Variants in DOP1B observed in about 807,000 individuals in gnomAD.
The protein encoded by DOP1B is DOP1 leucine zipper like protein B.
A neutral mutation model predicts 233.5 loss-of-function variants in DOP1B; 174 were observed. That is an observed-to-expected ratio of 0.75 (90% CI 0.66 to 0.85). The LOEUF (loss-of-function observed/expected upper bound fraction) is 0.85, where lower values mean the gene tolerates loss of function less well. Among genes scored for constraint, DOP1B ranks in the 40% least tolerant of loss-of-function variants. DOP1B has a pLI of 0.00. For missense variants in DOP1B, 2,652 were observed against 2,846.6 expected (o/e 0.93, Z 1.56); for synonymous variants, 1,190 against 1,185.6 (o/e 1.00, Z -0.08).
chr21:36,292,311 C>A, intron 36 of DOP1B, 78 bp downstream of exon 36: 1 of 1,240,330 alleles, frequency 8.1e-7, no homozygotes, highest in Non-Finnish European at 1.1e-6. Flanking sequence ...GGTTAGAGTG[C>A]AGTGGTGCGG....
intron 35 of DOP1B, among the ~76,000 whole-genome samples, chr21:36,291,458 G>T (rs571183216): frequency 3.9e-5 from 6 of 152,260 alleles, no homozygotes; most frequent in Admixed American, 3.9e-4. Flanking sequence ...CTACTCGGGA[G>T]GCTGAGGCAG....
chr21:36,187,540 G>A (rs1320036228), intron 2 of DOP1B, among the ~76,000 whole-genome samples: 4 of 152,070 alleles, frequency 2.6e-5, no homozygotes, highest in African/African-American at 7.2e-5. Flanking sequence ...CAGGTGATCC[G>A]CCTTCCTTTG....
intron 20 of DOP1B, among the ~76,000 whole-genome samples, chr21:36,247,844 T>C (rs926567544): frequency 2.6e-5 from 4 of 152,280 alleles, no homozygotes; most frequent in African/African-American, 9.6e-5. Context: ...CAAATGCATA[T>C]GCAAATGCAT....
rs1379162059 is a variant in DOP1B at position 36,251,226 on chromosome 21, C to G, written c.5063C>G (p.Thr1688Arg). ...PLTAHLGVQL[T>R]AAVAAVWSRK... ...ACGGCCCATCTTGGGGTTCAGTTGA[C>G]AGCGGCTGTTGCGGCAGTGTGGAGC... Residue 1688 changes from threonine to arginine, a missense_variant, in exon 22 of 37, where the codon ACA (threonine) becomes AGA (arginine). This residue lies in a region of DOP1B where 2,617 missense variants were observed against 2,794.3 expected (regional missense o/e 0.94). Coordinates refer to ENST00000691173, the MANE Select transcript of DOP1B (RefSeq NM_001320714.2). The G allele has an allele frequency of 6.2e-7, 1 of 1,614,030 alleles. No homozygotes were observed. Among genetic ancestry groups the G allele is most frequent in the Non-Finnish European group, 8.5e-7 (1 of 1,180,010 alleles).
chr21:36,182,623 G>A (rs2066113587), intron 2 of DOP1B, among the ~76,000 whole-genome samples: 1 of 152,162 alleles, frequency 6.6e-6, no homozygotes, highest in Admixed American at 6.5e-5. Context: ...GAGGCCAGGA[G>A]TTTGAGACCA....
intron 2 of DOP1B, among the ~76,000 whole-genome samples, chr21:36,177,749 A>G (rs1177549721): frequency 3.3e-5 from 5 of 152,194 alleles, no homozygotes; most frequent in Non-Finnish European, 7.4e-5. Context: ...GATATCCCAC[A>G]CCACTTCGGG....
chr21:36,176,087 G>GGTGTGTGTGTGTGT (rs1032491278), intron 2 of DOP1B, among the ~76,000 whole-genome samples: 48 of 96,532 alleles, frequency 5.0e-4, no homozygotes, highest in African/African-American at 1.5e-3. Flanking sequence ...TCGACTTTGG[G>GGTGTGTGTGTGTGT]GTGTGTGTGC....
At position 36,232,936 on chromosome 21, in the gene DOP1B, C is replaced by A. The variant is rs775709171; in HGVS notation, c.2483C>A (p.Ala828Glu). The change falls in exon 15 of 37, where the codon GCG becomes GAG. Residue 828 changes from alanine (A) to glutamate (E), a missense_variant. By Grantham distance (107) the Ala-to-Glu change is moderately radical. This residue lies in a region of DOP1B where 2,617 missense variants were observed against 2,794.3 expected (regional missense o/e 0.94). Transcript: ENST00000691173. ...LEVINHSQSL[A>E]LVIEDKMKRY... ...GTGATAAACCATTCCCAGTCCCTGG[C>A]GCTTGTCATTGAAGACAAGATGAAA... The A allele has an allele frequency of 6.2e-7, 1 of 1,614,126 alleles. No homozygotes were observed. Among genetic ancestry groups the A allele is most frequent in the Non-Finnish European group, 8.5e-7 (1 of 1,180,040 alleles).
intron 2 of DOP1B, chr21:36,169,370 T>C (rs138722637): frequency 5.0e-4 from 406 of 817,568 alleles, no homozygotes; most frequent in Non-Finnish European, 7.0e-4. Context: ...GTCGCCTTTC[T>C]GCCCAGCACA....
intron 2 of DOP1B, among the ~76,000 whole-genome samples, chr21:36,178,656 C>T (rs1350769695): frequency 6.6e-6 from 1 of 152,122 alleles, no homozygotes; most frequent in African/African-American, 2.4e-5. Flanking sequence ...CCAACTAATA[C>T]AGAAGGAACT....
chr21:36,268,728 G>A (rs1238260599), intron 26 of DOP1B, among the ~76,000 whole-genome samples: 1 of 152,218 alleles, frequency 6.6e-6, no homozygotes, highest in Non-Finnish European at 1.5e-5. Flanking sequence ...GGAGTGCAGT[G>A]GCACTATCTT....
chr21:36,251,701 G>A (rs556073778), intron 22 of DOP1B, among the ~76,000 whole-genome samples: 27 of 152,312 alleles, frequency 1.8e-4, no homozygotes, highest in African/African-American at 5.8e-4. Context: ...GATTACAGGC[G>A]TGAGCCACCA....
intron 5 of DOP1B, among the ~76,000 whole-genome samples, chr21:36,209,605 C>A (rs865786528): frequency 6.6e-6 from 1 of 152,100 alleles, no homozygotes; most frequent in African/African-American, 2.4e-5. Context: ...CCTCCCTTGG[C>A]GTCCTCCCCC....
At chr21:36,268,840 T>C (rs2067256889) in intron 26 of DOP1B, among the ~76,000 whole-genome samples, 1 of 151,932 alleles carries the variant, frequency 6.6e-6, no homozygotes, top group Non-Finnish European at 1.5e-5. Context: ...TAGCTAATTT[T>C]TGTATTTTTA....
chr21:36,283,108 G>A (rs1464615220), intron 32 of DOP1B, among the ~76,000 whole-genome samples: 1 of 150,678 alleles, frequency 6.6e-6, no homozygotes, highest in Non-Finnish European at 1.5e-5. Flanking sequence ...TTGAGCCAGG[G>A]TCTCCCTCTG....
chr21:36,259,035 G>A (rs531968210), intron 23 of DOP1B, among the ~76,000 whole-genome samples: 32 of 142,124 alleles, frequency 2.3e-4, no homozygotes, highest in African/African-American at 6.9e-4. Flanking sequence ...GCGCAATCTC[G>A]GCTCACTGCA....
At chr21:36,241,788 G>C (rs796143036) in intron 18 of DOP1B, among the ~76,000 whole-genome samples, 1 of 144,372 alleles carries the variant, frequency 6.9e-6, no homozygotes, top group South Asian at 2.2e-4. Flanking sequence ...TGATCCTCCC[G>C]CCTCAGCCTC....
chr21:36,211,677 A>C (rs773343180), intron 6 of DOP1B, 26 bp downstream of exon 6: 1 of 1,608,276 alleles, frequency 6.2e-7, no homozygotes, highest in South Asian at 1.1e-5. Context: ...TCTTCTGGTA[A>C]GTCACTGGTG....
At position 36,239,153 on chromosome 21, in the gene DOP1B, T is replaced by C. The variant is rs764774149; in HGVS notation, c.2876+452T>C. Among the ~76,000 whole-genome samples the C allele has an allele frequency of 1.8e-4, 28 of 152,132 alleles. 1 individual carries two copies. Among genetic ancestry groups the C allele is most frequent in the Non-Finnish European group, 3.1e-4 (21 of 68,008 alleles). The stretch of plus-strand genomic sequence containing the variant: ...ACATGACCCCTCCGAGCACAGCCAG[T>C]GGTTCCCATAAACCCCTAAGTGAAT... On this transcript the variant is annotated intron_variant, in intron 17 of 36. Transcript: ENST00000691173.
Sources: gnomAD v4.1 joint callset for allele counts (sites outside exome capture counted in the v4.1 genomes callset) on GRCh38, gnomAD v4.1.1 for gene constraint, gnomAD v4.1.1 regional missense constraint, MANE v1.5 for transcripts, NCBI Gene and HGNC (gene_info 2026-07-23, HGNC 2026-07-21) for gene names.